Variants in CCSER1 observed in about 807,000 individuals in gnomAD.
The protein encoded by CCSER1 is serine-rich coiled-coil domain-containing protein 1.
Under a neutral mutation model 82.0 loss-of-function variants are expected in CCSER1, and 41 were observed. That is an observed-to-expected ratio of 0.50 (90% CI 0.39 to 0.65). The LOEUF is 0.65. CCSER1 is among the 30% of genes least tolerant of loss of function. The probability of loss-of-function intolerance (pLI) is 0.00; values close to 1 mark genes in which losing one functional copy is unlikely to be tolerated. For missense variants in CCSER1, 1,119 were observed against 1,064.2 expected (o/e 1.05, Z -0.72); for synonymous variants, 414 against 383.9 (o/e 1.08, Z -0.92).
At chr4:91,531,931 T>G (rs1253713636) in intron 10 of CCSER1, among the ~76,000 whole-genome samples, 3 of 152,212 alleles carry the variant, frequency 2.0e-5, no homozygotes, top group African/African-American at 7.2e-5. Context: ...CAGGCTGATC[T>G]CAAACTCTTG....
intron 10 of CCSER1, among the ~76,000 whole-genome samples, chr4:91,402,751 T>C (rs1166405812): frequency 6.9e-6 from 1 of 145,784 alleles, no homozygotes; most frequent in Non-Finnish European, 1.5e-5. Flanking sequence ...TCTATTGGTC[T>C]ATCTCTCTGT....
chr4:90,981,564 G>T (rs1161305271), intron 9 of CCSER1, among the ~76,000 whole-genome samples: 1 of 151,842 alleles, frequency 6.6e-6, no homozygotes, highest in Non-Finnish European at 1.5e-5. Flanking sequence ...ACAAGGGAAA[G>T]GATCTGTTTG....
At chr4:91,058,680 T>C (rs551828641) in intron 9 of CCSER1, among the ~76,000 whole-genome samples, 1 of 152,114 alleles carries the variant, frequency 6.6e-6, no homozygotes, top group Non-Finnish European at 1.5e-5. Context: ...TTTTATGTTA[T>C]CCTTTCTGGA....
At chr4:90,900,281 C>T (rs542050194) in intron 8 of CCSER1, among the ~76,000 whole-genome samples, 35 of 151,750 alleles carry the variant, frequency 2.3e-4, no homozygotes, top group African/African-American at 7.7e-4. Flanking sequence ...TCTCTGAGAA[C>T]GTATTGTATT....
In CCSER1 at chr4:90,616,886, C is replaced by A. The variant is rs541164762; in HGVS notation, c.1725-11139C>A. 3.5e-4 allele frequency among the ~76,000 whole-genome samples: 53 copies of A among 152,208 alleles called. 1 individual carries two copies. In the South Asian group the frequency reaches 9.8e-3, roughly 28 times the overall value. On this transcript the variant is annotated intron_variant, in intron 5 of 10. Coordinates refer to ENST00000509176, the MANE Select transcript of CCSER1 (RefSeq NM_001145065.2). ...GGCTTTTAGAGTTTGGCTTAAGAAG[C>A]TTATCGAGGATTTCGCCAAGTGGCT...
intron 1 of CCSER1, among the ~76,000 whole-genome samples, chr4:90,172,768 G>A (rs368586425): frequency 7.2e-5 from 11 of 151,812 alleles, no homozygotes; most frequent in East Asian, 3.9e-4. Flanking sequence ...AAAGTCATGC[G>A]TACTAGCTAC....
intron 7 of CCSER1, chr4:90,780,777 C>T (rs1323086502): frequency 3.4e-6 from 4 of 1,169,706 alleles, no homozygotes; most frequent in Non-Finnish European, 4.2e-6. Flanking sequence ...ACTAAATTGA[C>T]TAAAGTATCA....
intron 6 of CCSER1, among the ~76,000 whole-genome samples, chr4:90,637,324 G>A (rs1466260698): frequency 1.3e-5 from 2 of 151,840 alleles, no homozygotes; most frequent in African/African-American, 4.8e-5. Flanking sequence ...GCTTCCCCCT[G>A]ACTACACAAT....
chr4:90,203,941 A>G (rs1011037956), intron 1 of CCSER1, among the ~76,000 whole-genome samples: 4 of 152,160 alleles, frequency 2.6e-5, no homozygotes, highest in Non-Finnish European at 4.4e-5. Context: ...TCTAATTACC[A>G]GGGATTATGA....
At chr4:91,067,691 A>T (rs564262846) in intron 9 of CCSER1, among the ~76,000 whole-genome samples, 28 of 152,174 alleles carry the variant, frequency 1.8e-4, no homozygotes, top group Non-Finnish European at 3.4e-4. Flanking sequence ...ATGGTGGAGC[A>T]GGTAGATAAA....
chr4:90,747,021 A>G (rs1020700807), intron 7 of CCSER1, among the ~76,000 whole-genome samples: 1 of 152,168 alleles, frequency 6.6e-6, no homozygotes, highest in African/African-American at 2.4e-5. Context: ...TTTGCTTGAT[A>G]TAACTGAGGA....
intron 4 of CCSER1, among the ~76,000 whole-genome samples, chr4:90,412,406 G>A (rs1172156414): frequency 1.3e-5 from 2 of 150,774 alleles, no homozygotes; most frequent in African/African-American, 4.9e-5. Context: ...CATGGCACAG[G>A]TATACATATG....
chr4:91,166,462 T>C (rs1260249033), intron 10 of CCSER1, among the ~76,000 whole-genome samples: 1 of 152,148 alleles, frequency 6.6e-6, no homozygotes, highest in Non-Finnish European at 1.5e-5. Context: ...AAATAGAAAG[T>C]CTAATTACCT....
At chr4:90,661,391 T>A (rs1016613648) in intron 6 of CCSER1, among the ~76,000 whole-genome samples, 16 of 152,150 alleles carry the variant, frequency 1.1e-4, no homozygotes, top group African/African-American at 3.9e-4. Context: ...TGCAGTTGCT[T>A]TTCTGAAACT....
chr4:90,564,911 C>A (rs182833480), intron 5 of CCSER1, among the ~76,000 whole-genome samples: 1 of 152,048 alleles, frequency 6.6e-6, no homozygotes, highest in East Asian at 1.9e-4. Context: ...CACACTCTTT[C>A]GTAACTTACT....
intron 8 of CCSER1, among the ~76,000 whole-genome samples, chr4:90,837,412 A>C (rs1046452179): frequency 1.3e-5 from 2 of 152,174 alleles, no homozygotes; most frequent in African/African-American, 2.4e-5. Context: ...TTAGTTAGAT[A>C]GGATGGAAAT....
chr4:91,171,433 C>G (rs1014225310), intron 10 of CCSER1, among the ~76,000 whole-genome samples: 20 of 152,138 alleles, frequency 1.3e-4, no homozygotes, highest in Non-Finnish European at 2.8e-4. Flanking sequence ...AATGCTGAAA[C>G]TTGGCTGAGT....
At chr4:90,847,649 G>A (rs1428024179) in intron 8 of CCSER1, among the ~76,000 whole-genome samples, 3 of 151,842 alleles carry the variant, frequency 2.0e-5, no homozygotes, top group Non-Finnish European at 2.9e-5. Context: ...GATTTTAAAC[G>A]TCGACTTAGG....
chr4:90,600,736 TG>T (rs1412940734), intron 5 of CCSER1, among the ~76,000 whole-genome samples: 1 of 151,972 alleles, frequency 6.6e-6, no homozygotes, highest in Admixed American at 6.6e-5. Flanking sequence ...TAGAATCAAT[TG>T]ATCAATGTCT....
Sources: gnomAD v4.1 joint callset for allele counts (sites outside exome capture counted in the v4.1 genomes callset) on GRCh38, gnomAD v4.1.1 for gene constraint, MANE v1.5 for transcripts, NCBI Gene and HGNC (gene_info 2026-07-23, HGNC 2026-07-21) for gene names.